The following LAMB4 variants were observed in gnomAD, a reference collection of about 807,000 sequenced individuals.
LAMB4 encodes laminin subunit beta-4.
In LAMB4, 196 loss-of-function variants were observed where a neutral mutation model predicts 199.2. The observed-to-expected ratio is 0.98, with a 90% confidence interval of 0.88 to 1.11. LAMB4 has a LOEUF of 1.11. Ranked by LOEUF, LAMB4 falls within the 50% of genes least tolerant of loss-of-function variation. The pLI is 0.00. For synonymous variants in LAMB4, 744 were observed against 770.6 expected, an observed-to-expected ratio of 0.97 and a Z score of 0.57; for missense variants, 2,080 against 2,171.2, an observed-to-expected ratio of 0.96 and a Z score of 0.83.
chr7:108,028,492 T>A (rs2150481559), intron 33 of LAMB4, among the ~76,000 whole-genome samples: 1 of 148,966 alleles, frequency 6.7e-6, no homozygotes, highest in Non-Finnish European at 1.5e-5. Flanking sequence ...TTTTTTTTTT[T>A]TTGAGATGGA....
chr7:108,051,764 T>C (rs1374751201), intron 26 of LAMB4, among the ~76,000 whole-genome samples: 1 of 152,096 alleles, frequency 6.6e-6, no homozygotes, highest in Non-Finnish European at 1.5e-5. Flanking sequence ...TAAACATGTC[T>C]CTCTCATTTG....
chr7:108,074,845 T>C (rs750768959), intron 17 of LAMB4, among the ~76,000 whole-genome samples: 5 of 152,160 alleles, frequency 3.3e-5, no homozygotes, highest in Admixed American at 2.6e-4. Context: ...ATATACTCAG[T>C]GAATGGGTGA....
chr7:108,066,525 T>C lies in LAMB4; in HGVS notation c.2522A>G (p.Glu841Gly). ...QVTGQCPCHGEVSGRRCDRCL... is the reference protein window; with the variant it reads ...QVTGQCPCHGGVSGRRCDRCL... The stretch of plus-strand genomic sequence containing the variant: ...GCGATCACAGCGGCGGCCAGACACC[T>C]CTCCATGGCAGGGGCACTGTCCTGT... Residue 841 changes from glutamate (E) to glycine (G), a missense_variant, in exon 20 of 34, where the codon GAG (glutamate) becomes GGG (glycine). Glu to Gly is a moderately conservative substitution (Grantham distance 98). Coordinates refer to ENST00000388781, the MANE Select transcript of LAMB4 (RefSeq NM_007356.3). 6.2e-7 allele frequency: 1 copy of C among 1,613,978 alleles called. No homozygotes were observed.
Position 108,095,281 on chromosome 7 carries a change from C to T in LAMB4, c.1417G>A (p.Gly473Ser). The T allele has an allele frequency of 6.2e-7, 1 of 1,614,068 alleles. No individual in the cohort carries two copies. The highest frequency in any genetic ancestry group is 8.5e-7 in the Non-Finnish European group (1 of 1,180,024). Residue 473 changes from glycine (G) to serine (S), a missense_variant, in exon 12 of 34, where the codon GGC (glycine) becomes AGC (serine). By Grantham distance (56) the Gly-to-Ser change is moderately conservative. Transcript: ENST00000388781. ...LPFLTCDVDT[G>S]QCLCLSYVTG... ...ACATATGACAGGCACAAGCATTGGC[C>T]TGTATCCACATCACAGGTCAAGAAT...
At chr7:108,110,060 C>T (rs923315522) in intron 4 of LAMB4, among the ~76,000 whole-genome samples, 2 of 152,168 alleles carry the variant, frequency 1.3e-5, no homozygotes, top group East Asian at 3.9e-4. Context: ...GACAGAGTCT[C>T]GCTCTGTCCC....
At chr7:108,031,541 C>A (rs56746619) in intron 31 of LAMB4, among the ~76,000 whole-genome samples, 1 of 152,042 alleles carries the variant, frequency 6.6e-6, no homozygotes, top group South Asian at 2.1e-4. Flanking sequence ...TTGAATCTAA[C>A]TTCTGTCATT....
intron 21 of LAMB4, among the ~76,000 whole-genome samples, 195 bp downstream of exon 21, chr7:108,065,567 G>A (rs2036307034): frequency 6.6e-6 from 1 of 152,134 alleles, no homozygotes; most frequent in Non-Finnish European, 1.5e-5. Flanking sequence ...AGTGGCTGAT[G>A]AGTTTTAATT....
chr7:108,057,462 G>A lies in LAMB4; in HGVS notation c.3379+370C>T, dbSNP rs530034975. Among the ~76,000 whole-genome samples the A allele has an allele frequency of 1.2e-4, 18 of 152,288 alleles. No homozygotes were observed. The South Asian group carries it at 3.3e-3, about 28-fold the overall frequency. ...ACAAGGGCACATTTATAAAGGAATG[G>A]AGAGGAGGAAAGAGTTGCCATGCGT... On this transcript the variant is annotated intron_variant, in intron 24 of 33. Transcript: ENST00000388781.
chr7:108,078,404 T>C (rs2036790523), intron 15 of LAMB4, 88 bp from the exon 16 acceptor site: 1 of 844,468 alleles, frequency 1.2e-6, no homozygotes, highest in Admixed American at 2.3e-5. Context: ...GGAAAGTGCA[T>C]GGACTTGAAT....
chr7:108,012,943 G>A, the LAMB4 span, among the ~76,000 whole-genome samples: 5 of 152,088 alleles, frequency 3.3e-5, no homozygotes, highest in South Asian at 1.0e-3. Flanking sequence ...TTCACATGTG[G>A]AGCCCTTTCA....
At chr7:108,027,176 A>G (rs1358245926) in intron 33 of LAMB4, among the ~76,000 whole-genome samples, 3 of 152,180 alleles carry the variant, frequency 2.0e-5, no homozygotes, top group Non-Finnish European at 2.9e-5. Flanking sequence ...TTGTCTGACA[A>G]GTGGTCAGAG....
intron 13 of LAMB4, 34 bp downstream of exon 13, chr7:108,092,303 T>G: frequency 1.3e-6 from 2 of 1,527,164 alleles, no homozygotes; most frequent in Non-Finnish European, 1.8e-6. Context: ...TATGTTTAAA[T>G]AAGGAATATT....
intron 26 of LAMB4, among the ~76,000 whole-genome samples, chr7:108,050,980 G>A (rs1011275923): frequency 3.3e-5 from 5 of 152,176 alleles, no homozygotes; most frequent in Non-Finnish European, 5.9e-5. Flanking sequence ...CTCAAAGGTA[G>A]GGACTTGCTG....
intron 23 of LAMB4, among the ~76,000 whole-genome samples, chr7:108,061,948 G>T (rs1017862383): frequency 1.3e-5 from 2 of 151,934 alleles, no homozygotes; most frequent in Admixed American, 6.6e-5. Context: ...TCTTAAATTC[G>T]CATTTTCATT....
chr7:108,027,251 A>C (rs1584578187), intron 33 of LAMB4, among the ~76,000 whole-genome samples: 1 of 152,194 alleles, frequency 6.6e-6, no homozygotes, highest in Non-Finnish European at 1.5e-5. Flanking sequence ...GATTAAAAAA[A>C]AAATCTGTTT....
At chr7:108,080,182 A>T (rs1166598765) in intron 14 of LAMB4, among the ~76,000 whole-genome samples, 1 of 152,236 alleles carries the variant, frequency 6.6e-6, no homozygotes, top group Non-Finnish European at 1.5e-5. Flanking sequence ...CTAATTGGGC[A>T]TGACAATGAG....
intron 14 of LAMB4, among the ~76,000 whole-genome samples, chr7:108,081,928 G>A (rs1006930053): frequency 1.3e-5 from 2 of 152,200 alleles, no homozygotes; most frequent in Non-Finnish European, 2.9e-5. Context: ...GTAAAGCAAA[G>A]TGTGAAAATC....
chr7:108,064,061 T>C, intron 21 of LAMB4, 76 bp from the exon 22 acceptor site: 1 of 1,046,720 alleles, frequency 9.6e-7, no homozygotes, highest in Non-Finnish European at 1.5e-6. Context: ...ATGTTGTAAA[T>C]AGAAAATTAT....
intron 14 of LAMB4, among the ~76,000 whole-genome samples, chr7:108,090,894 C>T (rs2037373377): frequency 6.6e-6 from 1 of 152,222 alleles, no homozygotes; most frequent in African/African-American, 2.4e-5. Context: ...TGATCCTAGT[C>T]AGTAAAAGAG....
Sources: allele counts gnomAD v4.1 joint callset (sites outside exome capture counted in the v4.1 genomes callset), GRCh38; gene constraint gnomAD v4.1.1; transcripts MANE v1.5; gene names NCBI Gene and HGNC (gene_info 2026-07-23, HGNC 2026-07-21).